MECR: variants seen among roughly 807,000 people sequenced by gnomAD.
MECR encodes the protein enoyl-[acyl-carrier-protein] reductase, mitochondrial.
A neutral mutation model predicts 49.1 loss-of-function variants in MECR; 37 were observed. That is an observed-to-expected ratio of 0.75 (90% CI 0.58 to 0.99). The LOEUF is 0.99. MECR is among the 50% of genes least tolerant of loss of function. The pLI is 0.00. For missense variants in MECR, 470 were observed against 479.6 expected (o/e 0.98, Z 0.19); for synonymous variants, 198 against 191.1 (o/e 1.04, Z -0.30).
Position 29,208,255 on chromosome 1 carries a change from G to C in MECR, c.407-1350C>G, listed in dbSNP as rs371240093. Among the ~76,000 whole-genome samples the C allele has an allele frequency of 2.1e-4, 32 of 152,310 alleles. No individual in the cohort carries two copies. The East Asian group carries it at 5.4e-3, about 26-fold the overall frequency. On this transcript the variant is annotated intron_variant, in intron 3 of 9. Transcript: ENST00000263702. ...GATCCGCCCGCCTCGGCCTCCCAGAGTGCTGGGATTACAGGCGTGAGCCAC... is the reference window on the plus strand; with the variant it reads ...GATCCGCCCGCCTCGGCCTCCCAGACTGCTGGGATTACAGGCGTGAGCCAC...
At chr1:29,176,527 T>C in the MECR span, among the ~76,000 whole-genome samples, 1 of 151,370 alleles carries the variant, frequency 6.6e-6, no homozygotes, top group Non-Finnish European at 1.5e-5. Flanking sequence ...TAACAGCTCA[T>C]CTAACCAGAA....
Position 29,200,573 on chromosome 1 carries a change from C to A in MECR, c.773G>T (p.Arg258Leu), listed in dbSNP as rs34835902. The A allele has an allele frequency of 8.2e-4, 1,320 of 1,613,784 alleles. 5 individuals are homozygous for A. In the African/African-American group the frequency reaches 0.012, roughly 15 times the overall value. Residue 258 changes from arginine (R) to leucine (L), a missense_variant, in exon 7 of 10, where the codon CGG becomes CTG. Physicochemically the swap from Arg to Leu is moderately radical, Grantham distance 102. Coordinates refer to ENST00000263702, the MANE Select transcript of MECR (RefSeq NM_016011.5). Reference sequence around the variant, plus strand: ...CCCACCAACACAGTTGAGAGCAAGCCGTGGCTGGGGCATGTCCTGGAAAAC... The same window carrying A: ...CCCACCAACACAGTTGAGAGCAAGCAGTGGCTGGGGCATGTCCTGGAAAAC... The part of the protein sequence containing the change: ...KNFFKDMPQP[R>L]LALNCVGGKS...
the MECR span, chr1:29,170,258 C>T: frequency 1.3e-5 from 2 of 151,918 alleles, no homozygotes; most frequent in Non-Finnish European, 2.9e-5. Flanking sequence ...TTTGAAAAAA[C>T]TCGAGAGATG....
chr1:29,182,884 A>G, the MECR span, among the ~76,000 whole-genome samples: 1 of 152,238 alleles, frequency 6.6e-6, no homozygotes, highest in African/African-American at 2.4e-5. Flanking sequence ...AGAATAATGT[A>G]TACCCATCTC....
intron 9 of MECR, among the ~76,000 whole-genome samples, chr1:29,194,732 A>G (rs1029535082): frequency 6.6e-6 from 1 of 152,124 alleles, no homozygotes; most frequent in African/African-American, 2.4e-5. Context: ...TTGAGAAGTG[A>G]AGGCCTCGGC....
the MECR span, among the ~76,000 whole-genome samples, chr1:29,183,694 A>C: frequency 6.6e-6 from 1 of 152,126 alleles, no homozygotes; most frequent in South Asian, 2.1e-4. Flanking sequence ...ATAGGTGCTC[A>C]CTATATATTA....
rs1016085121 is a variant in MECR, at chr1:29,193,722, G to A, written c.*300C>T. ...AGGGTGGTCAGAAAATGATTACTGG[G>A]GGAACACATGACAGAAAAGCAGGAA... On this transcript the variant is annotated 3_prime_UTR_variant, in exon 10 of 10. Transcript: ENST00000263702. The A allele has an allele frequency of 4.1e-5, 13 of 315,726 alleles. No individual in the cohort carries two copies. In the South Asian group the frequency reaches 5.4e-4, roughly 13 times the overall value. The allele number at this position is 315,726 out of a possible 1,614,324, so 19.6% of individuals were successfully genotyped here.
chr1:29,223,154 G>A (rs1681181963), intron 1 of MECR: 4 of 985,416 alleles, frequency 4.1e-6, no homozygotes, highest in East Asian at 1.1e-4. Context: ...CACGTCCTCC[G>A]TGAATGTAAT....
chr1:29,215,684 A>C (rs1679211307), intron 3 of MECR, among the ~76,000 whole-genome samples: 1 of 151,736 alleles, frequency 6.6e-6, no homozygotes, highest in African/African-American at 2.4e-5. Context: ...CAGCCTGGCC[A>C]ACATGGTGAA....
chr1:29,205,725 G>A (rs1676412737), intron 4 of MECR, among the ~76,000 whole-genome samples: 1 of 152,034 alleles, frequency 6.6e-6, no homozygotes, highest in South Asian at 2.1e-4. Context: ...AGCTACCTGG[G>A]AGGCTGAGGC....
chr1:29,194,295 G>A, intron 9 of MECR, 116 bp from the exon 10 acceptor site: 1 of 1,183,164 alleles, frequency 8.5e-7, no homozygotes, highest in Non-Finnish European at 1.2e-6. Context: ...AGCCTTGAGA[G>A]TCCTGGCTGT....
downstream of MECR, among the ~76,000 whole-genome samples, chr1:29,189,360 C>T (rs1242873215): frequency 6.6e-6 from 1 of 151,556 alleles, no homozygotes; most frequent in Admixed American, 6.6e-5. Context: ...TGAGCCACCA[C>T]ACCCAGGCAA....
the MECR span, among the ~76,000 whole-genome samples, chr1:29,176,708 C>T: frequency 3.3e-5 from 5 of 152,178 alleles, no homozygotes; most frequent in Admixed American, 1.3e-4. Context: ...CAACGACCTG[C>T]CTCACTCGAA....
chr1:29,196,678 AC>A (rs999539831), intron 7 of MECR, among the ~76,000 whole-genome samples: 1 of 151,868 alleles, frequency 6.6e-6, no homozygotes, highest in Non-Finnish European at 1.5e-5. Flanking sequence ...ACAGAGTGAG[AC>A]CCTGTCTCAG....
the MECR span, among the ~76,000 whole-genome samples, chr1:29,182,222 G>T: frequency 6.6e-6 from 1 of 152,202 alleles, no homozygotes; most frequent in Non-Finnish European, 1.5e-5. Flanking sequence ...TTTCGGAGCT[G>T]GAGCTTTGGA....
Position 29,196,476 on chromosome 1 carries a change from C to A in MECR, c.831-218G>T, listed in dbSNP as rs566893642. Among the ~76,000 whole-genome samples the A allele has an allele frequency of 4.6e-5, 7 of 152,194 alleles. No homozygotes were observed. The East Asian group carries it at 1.4e-3, about 29-fold the overall frequency. Reference sequence around the variant, plus strand: ...CTGAGGCAGGTGGATCACTTGAGCCCAGGAGTTCAAGACCAGCTTGGGCAA... The same window carrying A: ...CTGAGGCAGGTGGATCACTTGAGCCAAGGAGTTCAAGACCAGCTTGGGCAA... On this transcript the variant is annotated intron_variant, in intron 7 of 9. Transcript: ENST00000263702.
At chr1:29,223,687 C>A (rs1418232177) in intron 1 of MECR, 2 of 152,302 alleles carry the variant, frequency 1.3e-5, no homozygotes, top group Non-Finnish European at 2.9e-5. Flanking sequence ...CTGTGGTCCC[C>A]TGGTCACCAA....
intron 1 of MECR, 186 bp downstream of exon 1, chr1:29,230,545 C>T (rs1558523822): frequency 3.2e-6 from 2 of 628,472 alleles, no homozygotes; most frequent in East Asian, 2.9e-5. Context: ...ATAATTGCCT[C>T]TCGGGTCTTC....
Position 29,201,454 on chromosome 1 carries a change from G to A in MECR, c.756+489C>T, listed in dbSNP as rs772334865. 1 of 520,316 alleles carries A rather than the reference G, an allele frequency of 1.9e-6. No individual in the cohort carries two copies. Among genetic ancestry groups the A allele is most frequent in the Admixed American group, 2.0e-5 (1 of 48,876 alleles). The allele number at this position is 520,316 out of a possible 1,614,324, so 32.2% of individuals were successfully genotyped here. ...GACTGAGGCCAGCTCTGACTCTCTG[G>A]AGCCCTTATAAACTATATGATTTTG... On this transcript the variant is annotated intron_variant, in intron 6 of 9. Transcript: ENST00000263702. This position sits in a 1 kb window ranked among gnomAD's most constrained non-coding sequence, Gnocchi z 4.3.
Sources: allele counts gnomAD v4.1 joint callset (sites outside exome capture counted in the v4.1 genomes callset), GRCh38; gene constraint gnomAD v4.1.1; non-coding constraint Gnocchi (gnomAD v3.1); transcripts MANE v1.5; gene names NCBI Gene and HGNC (gene_info 2026-07-23, HGNC 2026-07-21).